PITPNC1: variants seen among roughly 807,000 people sequenced by gnomAD.
PITPNC1 encodes phosphatidylinositol transfer protein cytoplasmic 1, also known as cytoplasmic phosphatidylinositol transfer protein 1.
PITPNC1 carries 18 observed loss-of-function variants against 44.7 expected under a neutral mutation model. The observed-to-expected ratio is 0.40, with a 90% confidence interval of 0.28 to 0.60. PITPNC1 has a LOEUF of 0.60. PITPNC1 is among the 20% of genes least tolerant of loss of function. The pLI, the probability that PITPNC1 is intolerant of heterozygous loss-of-function variation, is 0.39. For synonymous variants in PITPNC1, 141 were observed against 149.6 expected (o/e 0.94, Z 0.42); for missense variants, 290 against 418.4 (o/e 0.69, Z 2.68).
At chr17:67,463,373 A>G (rs933526581) in intron 1 of PITPNC1, among the ~76,000 whole-genome samples, 3 of 152,150 alleles carry the variant, frequency 2.0e-5, no homozygotes, top group African/African-American at 7.2e-5. Flanking sequence ...ATATTTTCAT[A>G]CATGCAGTTG....
rs569437710 is a variant in PITPNC1 at position 67,430,834 on chromosome 17, G to T, written c.48+52632G>T. Among the ~76,000 whole-genome samples, 7 of 151,102 alleles carry T rather than the reference G, an allele frequency of 4.6e-5. No individual in the cohort carries two copies. In the East Asian group the frequency reaches 9.9e-4, roughly 21 times the overall value. On this transcript the variant is annotated intron_variant, in intron 1 of 8. Coordinates refer to ENST00000581322, the MANE Select transcript of PITPNC1 (RefSeq NM_012417.4). ...ACATATGCAGTGGCATGTGTCTGTA[G>T]TCCCAGCTGCTCAGGAGGCTGAGGT...
chr17:67,630,127 ACTGTG>A (rs1443013768), intron 5 of PITPNC1, among the ~76,000 whole-genome samples: 13 of 152,012 alleles, frequency 8.6e-5, no homozygotes, highest in Non-Finnish European at 1.9e-4. Context: ...CTTGTGGGAG[ACTGTG>A]TTAATAGGCA....
chr17:67,633,679 AC>A (rs1397031723), intron 6 of PITPNC1, among the ~76,000 whole-genome samples: 1 of 152,254 alleles, frequency 6.6e-6, no homozygotes, highest in East Asian at 1.9e-4. Context: ...AGGGCCACTG[AC>A]CTTCCCCTTG....
intron 1 of PITPNC1, among the ~76,000 whole-genome samples, chr17:67,485,867 A>G (rs1193647165): frequency 6.6e-6 from 1 of 152,218 alleles, no homozygotes; most frequent in African/African-American, 2.4e-5. Context: ...GCTTAAATGC[A>G]TTAGATTAGT....
chr17:67,448,202 C>G (rs548277366), intron 1 of PITPNC1, among the ~76,000 whole-genome samples: 1 of 152,172 alleles, frequency 6.6e-6, no homozygotes, highest in Non-Finnish European at 1.5e-5. Flanking sequence ...CCGCCTTGGC[C>G]TCCCAAAGTG....
chr17:67,587,101 G>A (rs1339307891), intron 5 of PITPNC1, among the ~76,000 whole-genome samples: 2 of 152,180 alleles, frequency 1.3e-5, no homozygotes, highest in African/African-American at 4.8e-5. Flanking sequence ...CAGTGGAGGA[G>A]AAGCAGGTTC....
intron 1 of PITPNC1, among the ~76,000 whole-genome samples, chr17:67,481,333 G>T (rs1489373094): frequency 1.3e-5 from 2 of 152,212 alleles, no homozygotes; most frequent in African/African-American, 4.8e-5. Flanking sequence ...CCTGCTCCCA[G>T]CCCTTAGCAG....
intron 1 of PITPNC1, among the ~76,000 whole-genome samples, chr17:67,423,661 T>C (rs1403700695): frequency 6.6e-6 from 1 of 152,154 alleles, no homozygotes; most frequent in Non-Finnish European, 1.5e-5. Flanking sequence ...TAAGGATGGA[T>C]GTGCGCCCAG....
intron 4 of PITPNC1, among the ~76,000 whole-genome samples, chr17:67,564,744 T>C (rs1034576501): frequency 1.3e-5 from 2 of 152,206 alleles, no homozygotes; most frequent in Non-Finnish European, 2.9e-5. Context: ...TGTAAGATAA[T>C]ATAGTTACTC....
chr17:67,485,253 A>C (rs1221584475), intron 1 of PITPNC1, among the ~76,000 whole-genome samples: 3 of 151,926 alleles, frequency 2.0e-5, no homozygotes, highest in Non-Finnish European at 4.4e-5. Context: ...AAAAGCATGG[A>C]GCATGCTGGA....
intron 1 of PITPNC1, among the ~76,000 whole-genome samples, chr17:67,466,224 C>T (rs1013483885): frequency 6.6e-6 from 1 of 151,178 alleles, no homozygotes; most frequent in African/African-American, 2.4e-5. Context: ...GCGCGTCTCA[C>T]GATGTTGTCC....
At chr17:67,481,104 G>A (rs781468377) in intron 1 of PITPNC1, among the ~76,000 whole-genome samples, 6 of 152,246 alleles carry the variant, frequency 3.9e-5, no homozygotes, top group Admixed American at 6.5e-5. Flanking sequence ...CTACTTAGGA[G>A]GCTGAGGCAG....
At chr17:67,403,633 G>T (rs1347571866) in intron 1 of PITPNC1, among the ~76,000 whole-genome samples, 1 of 152,178 alleles carries the variant, frequency 6.6e-6, no homozygotes, top group Non-Finnish European at 1.5e-5. Flanking sequence ...TATCCTCCAA[G>T]GTGGATCCTA....
At chr17:67,631,655 A>ATATATATATATATATATATAT (rs57804710) in intron 5 of PITPNC1, among the ~76,000 whole-genome samples, 2 of 8,302 alleles carry the variant, frequency 2.4e-4, no homozygotes, top group African/African-American at 3.6e-4. Context: ...AAAAAAAAAA[A>ATATATATATATATATATATAT]AAATATATAT....
chr17:67,647,139 T>A (rs1373593781), intron 6 of PITPNC1, among the ~76,000 whole-genome samples: 2 of 152,166 alleles, frequency 1.3e-5, no homozygotes, highest in African/African-American at 4.8e-5. Context: ...GTTGGTTACC[T>A]GATGTGATAG....
intron 1 of PITPNC1, among the ~76,000 whole-genome samples, chr17:67,392,961 C>T (rs1451092793): frequency 1.3e-5 from 2 of 151,914 alleles, no homozygotes; most frequent in Non-Finnish European, 2.9e-5. Flanking sequence ...AACCCCATCT[C>T]TACTAAAAAT....
At chr17:67,470,582 G>C (rs902934834) in intron 1 of PITPNC1, among the ~76,000 whole-genome samples, 48 of 152,080 alleles carry the variant, frequency 3.2e-4, no homozygotes, top group African/African-American at 1.0e-3. Flanking sequence ...GAGGTGGGGG[G>C]GGTCAGCCCC....
chr17:67,553,935 C>T (rs974396719), intron 4 of PITPNC1, among the ~76,000 whole-genome samples: 5 of 152,120 alleles, frequency 3.3e-5, no homozygotes, highest in Non-Finnish European at 5.9e-5. Context: ...TTTCTAGCAA[C>T]GTGATATTAA....
intron 6 of PITPNC1, among the ~76,000 whole-genome samples, chr17:67,664,850 AGCCGAGATCAT>A (rs2144392974): frequency 6.6e-6 from 1 of 151,538 alleles, no homozygotes; most frequent in East Asian, 1.9e-4. Flanking sequence ...GATTGCAGTG[AGCCGAGATCAT>A]GCCACTGTAC....
Sources: gnomAD v4.1 joint callset for allele counts (sites outside exome capture counted in the v4.1 genomes callset) on GRCh38, gnomAD v4.1.1 for gene constraint, MANE v1.5 for transcripts, NCBI Gene and HGNC (gene_info 2026-07-23, HGNC 2026-07-21) for gene names.